Variants in MAPKAPK3 observed in about 807,000 individuals in gnomAD.
MAPKAPK3 encodes MAPK activated protein kinase 3.
A neutral mutation model predicts 49.2 loss-of-function variants in MAPKAPK3; 35 were observed. That is an observed-to-expected ratio of 0.71 (90% CI 0.54 to 0.94). MAPKAPK3 has a LOEUF of 0.94. MAPKAPK3 is among the 40% of genes least tolerant of loss of function. The probability of loss-of-function intolerance (pLI) is 0.00; values close to 1 mark genes in which losing one functional copy is unlikely to be tolerated. For synonymous variants in MAPKAPK3, 178 were observed against 188.7 expected (o/e 0.94, Z 0.46); for missense variants, 398 against 493.1 (o/e 0.81, Z 1.83).
chr3:50,647,286 G>A lies in MAPKAPK3; in HGVS notation c.996+83G>A, dbSNP rs1388758095. 3.4e-6 allele frequency: 4 copies of A among 1,168,406 alleles called. No individual in the cohort carries two copies. The African/African-American group carries it at 4.6e-5, about 13-fold the overall frequency. 72.4% of individuals were successfully genotyped at this position (1,168,406 alleles called of 1,614,324 possible). On this transcript the variant is annotated intron_variant, in intron 10 of 10. Coordinates refer to ENST00000621469, the MANE Select transcript of MAPKAPK3 (RefSeq NM_001243925.2). ...TCAGGGGGGTGGCTACCCAGGGTCT[G>A]GGGTCTTTGGCCCCTTTCTATACCT...
At chr3:50,624,777 T>C (rs1298231344) in intron 2 of MAPKAPK3, among the ~76,000 whole-genome samples, 1 of 152,108 alleles carries the variant, frequency 6.6e-6, no homozygotes, top group Non-Finnish European at 1.5e-5. Context: ...CCATGTCTAA[T>C]GGTGAAGGCC....
intron 2 of MAPKAPK3, among the ~76,000 whole-genome samples, chr3:50,635,759 C>T (rs2033022633): frequency 6.6e-6 from 1 of 151,370 alleles, no homozygotes; most frequent in Non-Finnish European, 1.5e-5. Context: ...GAGAGGTTTT[C>T]CCCCTCATCC....
At chr3:50,619,633 T>G (rs1226767929) in intron 2 of MAPKAPK3, among the ~76,000 whole-genome samples, 2 of 152,162 alleles carry the variant, frequency 1.3e-5, no homozygotes, top group African/African-American at 4.8e-5. Flanking sequence ...GACCCACTTC[T>G]TAATACCAAG....
In MAPKAPK3 at chr3:50,647,112, G is replaced by A; in HGVS notation, c.916-11G>A. On this transcript the variant is annotated splice_polypyrimidine_tract_variant and intron_variant, in intron 9 of 10. Coordinates refer to ENST00000621469, the MANE Select transcript of MAPKAPK3 (RefSeq NM_001243925.2). ...CCAGTTTCTAATCCACGGGCGTGGG[G>A]CTCCTTCCAGCAATCGATGGTAGTG... 6.4e-7 allele frequency: 1 copy of A among 1,566,980 alleles called. No homozygotes were observed. Among genetic ancestry groups the A allele is most frequent in the South Asian group, 1.2e-5 (1 of 85,022 alleles).
upstream of MAPKAPK3, among the ~76,000 whole-genome samples, chr3:50,616,008 G>A (rs2032456563): frequency 6.6e-6 from 1 of 152,132 alleles, no homozygotes; most frequent in Admixed American, 6.5e-5. Flanking sequence ...AGGGGGAGGC[G>A]CTCACTGGGC....
intron 2 of MAPKAPK3, among the ~76,000 whole-genome samples, chr3:50,622,692 C>G (rs1054856096): frequency 2.9e-4 from 44 of 152,270 alleles, no homozygotes; most frequent in African/African-American, 8.9e-4. Context: ...CAGAGAAATG[C>G]TATTTCTACT....
chr3:50,617,156 C>G lies in MAPKAPK3; in HGVS notation c.-138C>G, dbSNP rs1482650497. The G allele has an allele frequency of 1.3e-5, 2 of 153,554 alleles. No individual in the cohort carries two copies. The highest frequency in any genetic ancestry group is 2.9e-5 in the Non-Finnish European group (2 of 69,796). The allele number at this position is 153,554 out of a possible 1,614,324, so 9.5% of individuals were successfully genotyped here. Reference sequence around the variant, plus strand: ...ACGTGGGCGCCGGCAGCGCGACTCTCGGCCCTGGGATTTCTGCGGCCGCCA... The same window carrying G: ...ACGTGGGCGCCGGCAGCGCGACTCTGGGCCCTGGGATTTCTGCGGCCGCCA... On this transcript the variant is annotated 5_prime_UTR_variant, in exon 1 of 11. Transcript: ENST00000621469.
chr3:50,620,912 C>T (rs1418088721), intron 2 of MAPKAPK3, among the ~76,000 whole-genome samples: 2 of 152,186 alleles, frequency 1.3e-5, no homozygotes, highest in Non-Finnish European at 2.9e-5. Flanking sequence ...TTAATTAGTA[C>T]CTTCAGCTTT....
At position 50,647,148 on chromosome 3, in the gene MAPKAPK3, C is replaced by G. The variant is rs753103323; in HGVS notation, c.941C>G (p.Pro314Arg). 6.3e-7 allele frequency: 1 copy of G among 1,593,842 alleles called. No homozygotes were observed. Among genetic ancestry groups the G allele is most frequent in the Non-Finnish European group, 8.5e-7 (1 of 1,170,068 alleles). The change falls in exon 10 of 11, where the codon CCA (proline) becomes CGA (arginine). Residue 314 changes from proline to arginine, a missense_variant. This residue lies in a region of MAPKAPK3 where 152 missense variants were observed against 177.3 expected (regional missense o/e 0.86). Coordinates refer to ENST00000621469, the MANE Select transcript of MAPKAPK3 (RefSeq NM_001243925.2). The stretch of plus-strand genomic sequence containing the variant: ...CAATCGATGGTAGTGCCACAGACCC[C>G]ACTCCACACGGCCCGAGTGCTGCAG... Reference protein sequence around the residue: ...INQSMVVPQTPLHTARVLQED... With the variant: ...INQSMVVPQTRLHTARVLQED...
At chr3:50,626,083 C>CA (rs1023621731) in intron 2 of MAPKAPK3, among the ~76,000 whole-genome samples, 2 of 151,754 alleles carry the variant, frequency 1.3e-5, no homozygotes, top group East Asian at 1.9e-4. Flanking sequence ...CCCCGCCACC[C>CA]CCCCATGGCT....
In MAPKAPK3 at chr3:50,647,891, CAGG is replaced by C. The variant is rs1212611855; in HGVS notation, c.1000_1002del (p.Glu334del). The C allele has an allele frequency of 1.2e-6, 2 of 1,611,546 alleles. No individual in the cohort carries two copies. Among genetic ancestry groups the C allele is most frequent in the African/African-American group, 2.7e-5 (2 of 74,814 alleles). On this transcript the variant is annotated splice_acceptor_variant and coding_sequence_variant, in exon 11 of 11. Coordinates refer to ENST00000621469, the MANE Select transcript of MAPKAPK3 (RefSeq NM_001243925.2). LOFTEE classifies it high-confidence loss of function. ...TAGTGCCCACCATCCTGTCTGTCCC[CAGG>C]AGGAGATGACCAGTGCCTTGGCCAC... is the stretch of plus-strand genomic sequence containing the variant.
At chr3:50,646,289 C>T (rs755586269) in intron 8 of MAPKAPK3, 25 bp downstream of exon 8, 1 of 1,613,800 alleles carries the variant, frequency 6.2e-7, no homozygotes, top group South Asian at 1.1e-5. Context: ...CTGTCCCAGC[C>T]TGACTCACCT....
At chr3:50,625,378 G>C (rs1005750780) in intron 2 of MAPKAPK3, among the ~76,000 whole-genome samples, 1 of 152,154 alleles carries the variant, frequency 6.6e-6, no homozygotes, top group Admixed American at 6.5e-5. Context: ...CGTGAAGGGA[G>C]CTCTGGGTCC....
chr3:50,636,687 C>T (rs1240185739), intron 2 of MAPKAPK3, among the ~76,000 whole-genome samples: 1 of 152,124 alleles, frequency 6.6e-6, no homozygotes, highest in African/African-American at 2.4e-5. Context: ...AGAGGGAGGG[C>T]TTCTGAGAGG....
upstream of MAPKAPK3, chr3:50,611,556 G>T: frequency 6.6e-7 from 1 of 1,522,922 alleles, no homozygotes; most frequent in Middle Eastern, 1.7e-4. Flanking sequence ...CCAATGCCCG[G>T]CAGCTAGCAC....
At chr3:50,636,586 A>G (rs1017379587) in intron 2 of MAPKAPK3, among the ~76,000 whole-genome samples, 1 of 152,216 alleles carries the variant, frequency 6.6e-6, no homozygotes, top group Non-Finnish European at 1.5e-5. Context: ...AACTCATTGA[A>G]TTGGACCCTT....
intron 2 of MAPKAPK3, among the ~76,000 whole-genome samples, chr3:50,639,166 G>A (rs913841104): frequency 2.0e-5 from 3 of 152,224 alleles, no homozygotes; most frequent in Non-Finnish European, 4.4e-5. Context: ...TGGCTGGGAT[G>A]CACCCTGTGG....
At chr3:50,642,996 C>T (rs777118060) in intron 5 of MAPKAPK3, among the ~76,000 whole-genome samples, 67 of 152,268 alleles carry the variant, frequency 4.4e-4, no homozygotes, top group African/African-American at 7.9e-4. Context: ...GGACTACAGG[C>T]GCACACCACC....
chr3:50,615,489 AG>A (rs1374739787), upstream of MAPKAPK3, among the ~76,000 whole-genome samples: 1 of 152,176 alleles, frequency 6.6e-6, no homozygotes, highest in African/African-American at 2.4e-5. Context: ...CTAGGAGAGG[AG>A]GCCATGGTTT....
Sources: allele counts gnomAD v4.1 joint callset (sites outside exome capture counted in the v4.1 genomes callset), GRCh38; gene constraint gnomAD v4.1.1; regional missense constraint gnomAD v4.1.1; transcripts MANE v1.5; gene names NCBI Gene and HGNC (gene_info 2026-07-23, HGNC 2026-07-21).